Variants in GMDS observed in about 807,000 individuals in gnomAD.
The protein encoded by GMDS is GDP-mannose 4,6 dehydratase.
GMDS carries 20 observed loss-of-function variants against 49.9 expected under a neutral mutation model. The observed-to-expected ratio is 0.40, with a 90% CI of 0.28 to 0.58. The LOEUF (loss-of-function observed/expected upper bound fraction) is 0.58. Ranked by LOEUF, GMDS falls within the 20% of genes least tolerant of loss-of-function variation. The pLI, the probability that GMDS is intolerant of heterozygous loss-of-function variation, is 0.42. For missense variants in GMDS, 362 were observed against 481.4 expected, an observed-to-expected ratio of 0.75 and a Z score of 2.32; for synonymous variants, 177 against 178.6, an observed-to-expected ratio of 0.99 and a Z score of 0.07.
intron 8 of GMDS, among the ~76,000 whole-genome samples, chr6:1,741,811 CAAAAAAAA>C (rs758949708): frequency 4.3e-5 from 1 of 23,054 alleles, no homozygotes; most frequent in African/African-American, 1.3e-4. Context: ...GACTCTGTCT[CAAAAAAAA>C]AAAAAAAAAA....
At chr6:2,171,924 T>C (rs1382459405) in intron 1 of GMDS, among the ~76,000 whole-genome samples, 2 of 152,096 alleles carry the variant, frequency 1.3e-5, no homozygotes, top group African/African-American at 4.8e-5. Flanking sequence ...AGTGAGGGGC[T>C]AAACTGACGC....
At chr6:2,111,558 T>C (rs1043542891) in intron 4 of GMDS, among the ~76,000 whole-genome samples, 1 of 152,168 alleles carries the variant, frequency 6.6e-6, no homozygotes, top group Admixed American at 6.5e-5. Context: ...TCCTTACTTT[T>C]AGCATACCCT....
chr6:2,126,597 C>A (rs1235911156), intron 1 of GMDS, among the ~76,000 whole-genome samples: 8 of 152,136 alleles, frequency 5.3e-5, no homozygotes, highest in Non-Finnish European at 4.4e-5. Flanking sequence ...ATACAAGGGA[C>A]ACATTCTGTG....
chr6:1,701,727 T>C (rs1765550050), intron 9 of GMDS, among the ~76,000 whole-genome samples: 1 of 151,902 alleles, frequency 6.6e-6, no homozygotes. Context: ...TCAAATAATA[T>C]ATATTTATTA....
chr6:2,244,611 G>T (rs1454085349), intron 1 of GMDS, among the ~76,000 whole-genome samples: 3 of 152,172 alleles, frequency 2.0e-5, no homozygotes, highest in African/African-American at 7.2e-5. Flanking sequence ...ACATTCCGAA[G>T]ACCTCCTCTT....
intron 9 of GMDS, among the ~76,000 whole-genome samples, chr6:1,627,918 A>G (rs906921152): frequency 6.6e-6 from 1 of 152,148 alleles, no homozygotes; most frequent in African/African-American, 2.4e-5. Context: ...TCAATATGTA[A>G]TTTATAATTG....
chr6:1,883,526 C>A (rs1759462783), intron 7 of GMDS, among the ~76,000 whole-genome samples: 1 of 151,920 alleles, frequency 6.6e-6, no homozygotes, highest in Admixed American at 6.6e-5. Context: ...ATAAAAAGAA[C>A]CTTCCACATA....
intron 7 of GMDS, among the ~76,000 whole-genome samples, chr6:1,861,630 A>G (rs1758188554): frequency 6.6e-6 from 1 of 151,502 alleles, no homozygotes; most frequent in Non-Finnish European, 1.5e-5. Context: ...AAAAAAAAAA[A>G]AAGAAAAAAA....
chr6:1,725,065 T>C (rs894903809), intron 9 of GMDS, among the ~76,000 whole-genome samples: 23 of 152,214 alleles, frequency 1.5e-4, no homozygotes. Flanking sequence ...TCACTGGGGT[T>C]TTCCTAACCT....
chr6:2,107,574 T>C (rs1049141133), intron 4 of GMDS, among the ~76,000 whole-genome samples: 60 of 152,238 alleles, frequency 3.9e-4, no homozygotes, highest in African/African-American at 1.4e-3. Context: ...GGTTACAAAC[T>C]GTATTAAGTT....
At chr6:1,743,692 G>T (rs1455304386) in intron 7 of GMDS, among the ~76,000 whole-genome samples, 1 of 151,794 alleles carries the variant, frequency 6.6e-6, no homozygotes, top group Non-Finnish European at 1.5e-5. Context: ...TTTACCAACA[G>T]CAGATAGGCC....
chr6:2,058,293 C>G (rs1027654407), intron 4 of GMDS, among the ~76,000 whole-genome samples: 1 of 137,616 alleles, frequency 7.3e-6, no homozygotes, highest in Non-Finnish European at 1.5e-5. Flanking sequence ...TGCAGTGAGC[C>G]AAGATGGCAC....
intron 7 of GMDS, among the ~76,000 whole-genome samples, chr6:1,755,573 C>T (rs910835559): frequency 1.4e-4 from 22 of 152,056 alleles, no homozygotes; most frequent in African/African-American, 4.3e-4. Context: ...CCAAGACAAT[C>T]GTCAGCAAAA....
At chr6:2,210,133 A>G (rs902571910) in intron 1 of GMDS, among the ~76,000 whole-genome samples, 2 of 152,232 alleles carry the variant, frequency 1.3e-5, no homozygotes, top group Non-Finnish European at 2.9e-5. Context: ...ACAAATTTGT[A>G]CAGAATATTT....
At chr6:1,950,992 C>T (rs1170267152) in intron 6 of GMDS, among the ~76,000 whole-genome samples, 1 of 152,122 alleles carries the variant, frequency 6.6e-6, no homozygotes, top group Non-Finnish European at 1.5e-5. Flanking sequence ...AATAGTAGCC[C>T]CCTCCTCCGT....
chr6:1,687,415 G>A (rs1259289427), intron 9 of GMDS, among the ~76,000 whole-genome samples: 1 of 152,186 alleles, frequency 6.6e-6, no homozygotes, highest in African/African-American at 2.4e-5. Context: ...TCAGACAGGT[G>A]GTAGGTATCA....
rs1300319969 is a variant in GMDS at position 2,223,147 on chromosome 6, C to CTA, written c.102+22173_102+22174insTA. On this transcript the variant is annotated intron_variant, in intron 1 of 10. Coordinates refer to ENST00000380815, the MANE Select transcript of GMDS (RefSeq NM_001500.4). ...TCAATCAATAGCGCGCTCTCTCTCT[C>CTA]TCTATATATATATACACACATATAT... Among the ~76,000 whole-genome samples, 682 of 151,450 alleles carry CTA rather than the reference C, an allele frequency of 4.5e-3. 8 individuals are homozygous for CTA. The highest frequency in any genetic ancestry group is 0.015 in the African/African-American group (637 of 41,200).
In GMDS at chr6:1,624,109, C is replaced by G; in HGVS notation, c.*60G>C. On this transcript the variant is annotated 3_prime_UTR_variant, in exon 11 of 11. Transcript: ENST00000380815. ...GCCGCTCCCCATCCCCGCAGCGCGT[C>G]TGCACCGGAGACTCTGCGGGGATTG... 6.8e-7 allele frequency: 1 copy of G among 1,471,300 alleles called. No individual in the cohort carries two copies. Among genetic ancestry groups the G allele is most frequent in the South Asian group, 1.1e-5 (1 of 88,202 alleles). 91.1% of individuals were successfully genotyped at this position (1,471,300 alleles called of 1,614,324 possible). A position where few individuals can be genotyped will look rare whatever the true frequency, so the allele number is the denominator to read the frequency against.
At chr6:1,862,430 C>T (rs1334460668) in intron 7 of GMDS, among the ~76,000 whole-genome samples, 1 of 152,232 alleles carries the variant, frequency 6.6e-6, no homozygotes, top group African/African-American at 2.4e-5. Context: ...TAGCAACACA[C>T]ACCACTGCTT....
Sources: gnomAD v4.1 joint callset for allele counts (sites outside exome capture counted in the v4.1 genomes callset) on GRCh38, gnomAD v4.1.1 for gene constraint, MANE v1.5 for transcripts, NCBI Gene and HGNC (gene_info 2026-07-23, HGNC 2026-07-21) for gene names.